The following IFT140 variants were observed in gnomAD, a reference collection of about 807,000 sequenced individuals.
The protein encoded by IFT140 is intraflagellar transport 140.
Under a neutral mutation model 164.6 loss-of-function variants are expected in IFT140, and 133 were observed. The observed-to-expected ratio is 0.81, with a 90% CI of 0.70 to 0.93. The LOEUF is 0.93. Among genes scored for constraint, IFT140 ranks in the 40% least tolerant of loss-of-function variants. The pLI, the probability that IFT140 is intolerant of heterozygous loss-of-function variation, is 0.00. For synonymous variants in IFT140, 860 were observed against 817.3 expected (o/e 1.05, Z -0.89); for missense variants, 2,045 against 1,972.3 (o/e 1.04, Z -0.70).
At chr16:1,523,420 A>G in intron 26 of IFT140, 98 bp downstream of exon 26, 1 of 1,351,892 alleles carries the variant, frequency 7.4e-7, no homozygotes, top group East Asian at 2.4e-5. Context: ...TGGAGAACTC[A>G]TAACCAAGCA....
chr16:1,530,133 C>CTTTTTTTTTTTTTTT lies in IFT140; in HGVS notation c.2400-3352_2400-3338dup, dbSNP rs922819138. Among the ~76,000 whole-genome samples, 55 of 88,578 alleles carry CTTTTTTTTTTTTTTT rather than the reference C, an allele frequency of 6.2e-4. 6 individuals carry two copies. Among genetic ancestry groups the CTTTTTTTTTTTTTTT allele is most frequent in the African/African-American group, 2.6e-3 (48 of 18,448 alleles). The allele number at this position is 88,578 out of a possible 152,430, so 58.1% of individuals were successfully genotyped here. Reference sequence around the variant, plus strand: ...TCCCAAAAGACTTCACGACGGGAATCTTTTTTTTTTTTTTTTTTTTTTTTG... The same window carrying CTTTTTTTTTTTTTTT: ...TCCCAAAAGACTTCACGACGGGAATCTTTTTTTTTTTTTTTTTTTTTTTTTTTTTTTTTTTTTTTG... On this transcript the variant is annotated intron_variant, in intron 19 of 30. Coordinates refer to ENST00000426508, the MANE Select transcript of IFT140 (RefSeq NM_014714.4).
At chr16:1,588,658 C>G (rs1278400506) in intron 7 of IFT140, among the ~76,000 whole-genome samples, 1 of 151,974 alleles carries the variant, frequency 6.6e-6, no homozygotes, top group African/African-American at 2.4e-5. Flanking sequence ...ACCACACGCT[C>G]TGGGCAGGCC....
intron 14 of IFT140, among the ~76,000 whole-genome samples, chr16:1,569,619 C>T (rs567731352): frequency 1.6e-4 from 24 of 150,604 alleles, no homozygotes; most frequent in Middle Eastern, 3.4e-3. Context: ...GACAGGATCT[C>T]TCACTCTGTC....
At chr16:1,544,735 G>T (rs1324079282) in intron 19 of IFT140, among the ~76,000 whole-genome samples, 1 of 151,072 alleles carries the variant, frequency 6.6e-6, no homozygotes, top group Admixed American at 6.6e-5. Context: ...TGCAAGCTCC[G>T]CCTCCCGGGT....
chr16:1,594,641 A>G (rs942820677), intron 4 of IFT140, among the ~76,000 whole-genome samples: 1 of 152,232 alleles, frequency 6.6e-6, no homozygotes, highest in African/African-American at 2.4e-5. Context: ...TGCTCAATCT[A>G]AAACCATCAC....
intron 13 of IFT140, chr16:1,578,236 C>T (rs541593744): frequency 1.3e-5 from 2 of 152,014 alleles, no homozygotes; most frequent in African/African-American, 4.8e-5. Context: ...ACTTGTCTCC[C>T]GTCTGGATGC....
chr16:1,586,355 C>T, intron 9 of IFT140, 80 bp from the exon 10 acceptor site: 2 of 1,425,584 alleles, frequency 1.4e-6, no homozygotes, highest in East Asian at 4.6e-5. Context: ...CTCTAACCCC[C>T]TTCTTCAAAG....
Position 1,584,416 on chromosome 16 carries a change from C to G in IFT140, c.1160G>C (p.Gly387Ala), listed in dbSNP as rs781160807. The G allele has an allele frequency of 1.9e-6, 3 of 1,603,852 alleles. No individual in the cohort carries two copies. Among genetic ancestry groups the G allele is most frequent in the Non-Finnish European group, 2.6e-6 (3 of 1,176,082 alleles). ...LQGNITQIQWGSRKNLLAVNS... is the reference protein window; with the variant it reads ...LQGNITQIQWASRKNLLAVNS... The stretch of plus-strand genomic sequence containing the variant: ...CACTGCCAGCAGGTTCTTCCTGGAA[C>G]CCCACTTCATTTCCAGGTTGCAAGA... Residue 387 changes from glycine (G) to alanine (A), a missense_variant, in exon 11 of 31, where the codon GGT (glycine) becomes GCT (alanine). Transcript: ENST00000426508.
At chr16:1,573,650 T>C (rs2034131798) in intron 13 of IFT140, among the ~76,000 whole-genome samples, 1 of 152,036 alleles carries the variant, frequency 6.6e-6, no homozygotes, top group Admixed American at 6.6e-5. Context: ...AGTTCTATAC[T>C]CTCTGTAGCC....
At position 1,551,053 on chromosome 16, in the gene IFT140, A is replaced by G. The variant is rs1027261594; in HGVS notation, c.2399+6882T>C. Reference sequence around the variant, plus strand: ...CCCTTTGAGGGGTCCTGGTCACTCAACTGCCAAGGCTGCTGTTCCTCCTCG... The same window carrying G: ...CCCTTTGAGGGGTCCTGGTCACTCAGCTGCCAAGGCTGCTGTTCCTCCTCG... On this transcript the variant is annotated intron_variant, in intron 19 of 30. Coordinates refer to ENST00000426508, the MANE Select transcript of IFT140 (RefSeq NM_014714.4). The surrounding 1 kb of genome is among the most constrained non-coding windows in gnomAD (Gnocchi z 4.0). Among the ~76,000 whole-genome samples, 4 of 152,134 alleles carry G rather than the reference A, an allele frequency of 2.6e-5. No individual in the cohort carries two copies. The highest frequency in any genetic ancestry group is 6.5e-5 in the Admixed American group (1 of 15,284).
At chr16:1,534,694 G>A in intron 19 of IFT140, 1 of 1,280,514 alleles carries the variant, frequency 7.8e-7, no homozygotes, top group Admixed American at 2.3e-5. Context: ...GGGCAGGCAG[G>A]AGGGGGCACT....
intron 14 of IFT140, 71 bp from the exon 15 acceptor site, chr16:1,568,405 C>T (rs1199708596): frequency 1.6e-6 from 2 of 1,222,132 alleles, no homozygotes; most frequent in Non-Finnish European, 2.4e-6. Context: ...ACCCTGAAAC[C>T]TCTGTTCACC....
intron 13 of IFT140, among the ~76,000 whole-genome samples, chr16:1,572,556 G>A (rs1485774859): frequency 6.6e-6 from 1 of 152,226 alleles, no homozygotes; most frequent in Non-Finnish European, 1.5e-5. Context: ...TGAGGCAGGA[G>A]AATGGTGTGG....
rs2141882480 is a variant in IFT140 at position 1,589,778 on chromosome 16, T to C, written c.637A>G (p.Thr213Ala). ...LLFFVSLMDG[T>A]VHYVDEKGKT... is the part of the protein sequence containing the mutation. ...CCCTTCTCATCCACATAGTGCACTG[T>C]CCCTGGGGACAAACGTGGGGTCACT... The change falls in exon 7 of 31, where the codon ACA (threonine) becomes GCA (alanine). Residue 213 changes from threonine (T) to alanine (A), a missense_variant and splice_region_variant. Transcript: ENST00000426508. 2 of 1,611,616 alleles carry C rather than the reference T, an allele frequency of 1.2e-6. No homozygotes were observed. The highest frequency in any genetic ancestry group is 1.1e-5 in the South Asian group (1 of 91,034).
intron 4 of IFT140, among the ~76,000 whole-genome samples, chr16:1,600,836 G>A (rs1426817739): frequency 6.6e-6 from 1 of 151,590 alleles, no homozygotes; most frequent in Non-Finnish European, 1.5e-5. Context: ...GCCAACTTGA[G>A]TGAGAGTCTA....
rs139629726 is a variant in IFT140 at position 1,587,772 on chromosome 16, G to C, written c.902+161C>G. Among the ~76,000 whole-genome samples, 146 of 152,332 alleles carry C rather than the reference G, an allele frequency of 9.6e-4. 1 individual carries two copies. The highest frequency in any genetic ancestry group is 1.6e-3 in the Non-Finnish European group (107 of 68,034). Reference sequence around the variant, plus strand: ...GACTCTTGGGGTCTCTTAATGCTCAGCTCCTCAGTCTGGGAGCTGGTGAAT... The same window carrying C: ...GACTCTTGGGGTCTCTTAATGCTCACCTCCTCAGTCTGGGAGCTGGTGAAT... On this transcript the variant is annotated intron_variant, in intron 8 of 30. Transcript: ENST00000426508.
Position 1,520,619 on chromosome 16 carries a change from C to T in IFT140, c.3643G>A (p.Ala1215Thr). Residue 1215 changes from alanine (A) to threonine (T), a missense_variant, in exon 27 of 31, where the codon GCC becomes ACC. Ala to Thr is a moderately conservative substitution (Grantham distance 58). Coordinates refer to ENST00000426508, the MANE Select transcript of IFT140 (RefSeq NM_014714.4). The stretch of plus-strand genomic sequence containing the variant: ...AGGCTCACCTTCAGCTTGTTGCCGG[C>T]CTGCGTGTACTTCTTGGTGGCCAGG... ...YHLATKKYTQ[A>T]GNKLKAMRAL... 1 of 1,589,528 alleles carries T rather than the reference C, an allele frequency of 6.3e-7. No homozygotes were observed. The highest frequency in any genetic ancestry group is 8.6e-7 in the Non-Finnish European group (1 of 1,165,672).
At chr16:1,581,793 GGGGAGTGGAGGGGAT>G (rs1211102876) in intron 12 of IFT140, among the ~76,000 whole-genome samples, 28 of 112,762 alleles carry the variant, frequency 2.5e-4, no homozygotes, top group East Asian at 5.6e-4. Flanking sequence ...GGGGAGGGGA[GGGGAGTGGAGGGGAT>G]GGGAGTGGAG....
rs558545546 is a variant in IFT140, at chr16:1,540,667, G to A, written c.2400-13871C>T. On this transcript the variant is annotated intron_variant, in intron 19 of 30. Transcript: ENST00000426508. Reference sequence around the variant, plus strand: ...GGATTCTGGTGTCTGTGATGGATGCGGGCGCGGGGACCCGCTCCTGAGTGG... The same window carrying A: ...GGATTCTGGTGTCTGTGATGGATGCAGGCGCGGGGACCCGCTCCTGAGTGG... 1.7e-4 allele frequency: 34 copies of A among 196,318 alleles called. 1 individual carries two copies. In the South Asian group the frequency reaches 5.2e-3, roughly 30 times the overall value. 12.2% of individuals were successfully genotyped at this position (196,318 alleles called of 1,614,324 possible). A position where few individuals can be genotyped will look rare whatever the true frequency, so the allele number is the denominator to read the frequency against.
Sources: gnomAD v4.1 joint callset for allele counts (sites outside exome capture counted in the v4.1 genomes callset) on GRCh38, gnomAD v4.1.1 for gene constraint, Gnocchi (gnomAD v3.1) non-coding constraint, MANE v1.5 for transcripts, NCBI Gene and HGNC (gene_info 2026-07-23, HGNC 2026-07-21) for gene names.